Variants in OSBPL10 observed in about 807,000 individuals in gnomAD.
OSBPL10 encodes the protein oxysterol-binding protein-related protein 10.
A neutral mutation model predicts 81.7 loss-of-function variants in OSBPL10; 49 were observed. The observed-to-expected ratio is 0.60, with a 90% CI of 0.48 to 0.76. The LOEUF is 0.76. Ranked by LOEUF, OSBPL10 falls within the 30% of genes least tolerant of loss-of-function variation. The pLI, the probability that OSBPL10 is intolerant of heterozygous loss-of-function variation, is 0.00. For synonymous variants in OSBPL10, 419 were observed against 383.6 expected, an observed-to-expected ratio of 1.09 and a Z score of -1.08; for missense variants, 923 against 987.8, an observed-to-expected ratio of 0.93 and a Z score of 0.88.
At chr3:31,779,161 T>A (rs1007720611) in intron 4 of OSBPL10, among the ~76,000 whole-genome samples, 1 of 151,886 alleles carries the variant, frequency 6.6e-6, no homozygotes, top group African/African-American at 2.4e-5. Context: ...AACACAATTT[T>A]AAAAAAAGGT....
rs201190710 is a variant in OSBPL10, at chr3:31,750,720, C to T, written c.730-2600G>A. Among the ~76,000 whole-genome samples, 4 of 152,060 alleles carry T rather than the reference C, an allele frequency of 2.6e-5. No homozygotes were observed. The East Asian group carries it at 7.7e-4, about 29-fold the overall frequency. On this transcript the variant is annotated intron_variant, in intron 4 of 11. Coordinates refer to ENST00000396556, the MANE Select transcript of OSBPL10 (RefSeq NM_017784.5). ...AAAGAAAGAAGAAATCATGATGAAA[C>T]ATGATGCATTATGTTTTTATTATTA...
intron 1 of OSBPL10, 23 bp downstream of exon 1, chr3:31,980,876 G>A: frequency 1.3e-6 from 2 of 1,547,110 alleles, no homozygotes; most frequent in South Asian, 1.2e-5. Flanking sequence ...GGCGCGCGGT[G>A]GCGCGGGCGG....
At chr3:32,022,020 T>C (rs1285989611) in intron 2 of OSBPL10, among the ~76,000 whole-genome samples, 2 of 152,082 alleles carry the variant, frequency 1.3e-5, no homozygotes, top group Non-Finnish European at 2.9e-5. Context: ...ATTCTAGATA[T>C]AAGTCGTTTG....
intron 2 of OSBPL10, among the ~76,000 whole-genome samples, chr3:32,003,901 C>T (rs1260479385): frequency 1.3e-5 from 2 of 152,120 alleles, no homozygotes; most frequent in African/African-American, 4.8e-5. Context: ...CGGGCTAATA[C>T]TAAGGGCTCT....
chr3:31,892,909 G>A (rs1057198811), intron 1 of OSBPL10, among the ~76,000 whole-genome samples: 31 of 152,142 alleles, frequency 2.0e-4, no homozygotes, highest in African/African-American at 7.5e-4. Context: ...GAAAACCATG[G>A]GGCTAAACTT....
At chr3:31,935,665 A>G (rs1184534060) in intron 1 of OSBPL10, among the ~76,000 whole-genome samples, 2 of 151,970 alleles carry the variant, frequency 1.3e-5, no homozygotes, top group African/African-American at 4.8e-5. Flanking sequence ...CTGGGATTAC[A>G]GGTGACCCCC....
chr3:31,816,074 T>C (rs1258310717), intron 4 of OSBPL10, among the ~76,000 whole-genome samples: 1 of 148,162 alleles, frequency 6.7e-6, no homozygotes. Context: ...AGCAATACTC[T>C]AATCGTCAGG....
chr3:31,705,504 C>A (rs1480246988), intron 6 of OSBPL10, among the ~76,000 whole-genome samples: 1 of 152,084 alleles, frequency 6.6e-6, no homozygotes, highest in African/African-American at 2.4e-5. Flanking sequence ...AACCACAAAG[C>A]ACCCACATAG....
At chr3:31,852,073 A>G (rs993942819) in intron 3 of OSBPL10, among the ~76,000 whole-genome samples, 1 of 152,180 alleles carries the variant, frequency 6.6e-6, no homozygotes, top group Non-Finnish European at 1.5e-5. Context: ...TCAAGTGAAG[A>G]ACTGAACATA....
intron 1 of OSBPL10, among the ~76,000 whole-genome samples, chr3:31,950,016 A>G (rs1187324605): frequency 6.6e-6 from 1 of 152,078 alleles, no homozygotes; most frequent in African/African-American, 2.4e-5. Context: ...TGGAAATCCT[A>G]CTTATGTAGG....
intron 8 of OSBPL10, among the ~76,000 whole-genome samples, chr3:31,678,239 G>A (rs939945668): frequency 1.6e-4 from 24 of 152,206 alleles, no homozygotes; most frequent in African/African-American, 5.8e-4. Context: ...CCCCGTTGAC[G>A]GTGTGGCTTA....
At chr3:31,766,025 G>A (rs1698184381) in intron 4 of OSBPL10, among the ~76,000 whole-genome samples, 1 of 151,650 alleles carries the variant, frequency 6.6e-6, no homozygotes, top group Non-Finnish European at 1.5e-5. Flanking sequence ...ATGGTCGCTG[G>A]TTTTCACACC....
intron 2 of OSBPL10, among the ~76,000 whole-genome samples, chr3:32,033,943 A>G (rs1699496844): frequency 6.6e-6 from 1 of 152,188 alleles, no homozygotes; most frequent in Non-Finnish European, 1.5e-5. Flanking sequence ...GGTAATTTAT[A>G]AAGGAAGAGG....
rs111589313 is a variant in OSBPL10 at position 31,754,803 on chromosome 3, T to C, written c.730-6683A>G. Among the ~76,000 whole-genome samples, 304 of 152,332 alleles carry C rather than the reference T, an allele frequency of 2.0e-3. 3 individuals are homozygous for C. Among genetic ancestry groups the C allele is most frequent in the African/African-American group, 7.0e-3 (291 of 41,576 alleles). On this transcript the variant is annotated intron_variant, in intron 4 of 11. Transcript: ENST00000396556. Reference sequence around the variant, plus strand: ...GTGAAACTAATATTTTTATTCACTCTCAGTTTCGGTGTCAGATAAGATCTT... The same window carrying C: ...GTGAAACTAATATTTTTATTCACTCCCAGTTTCGGTGTCAGATAAGATCTT...
intron 1 of OSBPL10, among the ~76,000 whole-genome samples, chr3:31,979,586 TA>T (rs762225346): frequency 9.9e-4 from 150 of 152,244 alleles, no homozygotes; most frequent in Admixed American, 1.9e-3. Flanking sequence ...GCCCCAAGTC[TA>T]TTAAGATCTG....
At chr3:31,961,496 C>T (rs1035189052) in intron 1 of OSBPL10, among the ~76,000 whole-genome samples, 16 of 152,226 alleles carry the variant, frequency 1.1e-4, no homozygotes, top group African/African-American at 3.4e-4. Context: ...TGCTGGGAGC[C>T]TAAAACTGCT....
At chr3:31,697,561 A>C (rs182550233) in intron 7 of OSBPL10, among the ~76,000 whole-genome samples, 1 of 152,332 alleles carries the variant, frequency 6.6e-6, no homozygotes, top group African/African-American at 2.4e-5. Context: ...TAAAACAAAA[A>C]ATAAAAAACA....
At chr3:31,800,440 G>A (rs1486116691) in intron 4 of OSBPL10, among the ~76,000 whole-genome samples, 1 of 152,222 alleles carries the variant, frequency 6.6e-6, no homozygotes, top group Non-Finnish European at 1.5e-5. Flanking sequence ...CCTGGCCCTG[G>A]CATGATGGGC....
rs114711713 is a variant in OSBPL10, at chr3:32,045,687, G to T, written n.298+804C>A. On this transcript the variant is annotated intron_variant and non_coding_transcript_variant, in intron 2 of 3. Coordinates refer to the OSBPL10 transcript ENST00000479173. Reference sequence around the variant, plus strand: ...CCACATCTGCCTAGAAGTAAGCTGTGGGGGAGGGGGTGGCTCACAAAGTGA... The same window carrying T: ...CCACATCTGCCTAGAAGTAAGCTGTTGGGGAGGGGGTGGCTCACAAAGTGA... Among the ~76,000 whole-genome samples, 1,108 of 152,276 alleles carry T rather than the reference G, an allele frequency of 7.3e-3. 11 individuals carry two copies. The highest frequency in any genetic ancestry group is 0.026 in the African/African-American group (1,062 of 41,538).
Sources: allele counts gnomAD v4.1 joint callset (sites outside exome capture counted in the v4.1 genomes callset), GRCh38; gene constraint gnomAD v4.1.1; transcripts MANE v1.5; gene names NCBI Gene and HGNC (gene_info 2026-07-23, HGNC 2026-07-21).